Variants in MITF observed in about 807,000 individuals in gnomAD.
MITF encodes microphthalmia-associated transcription factor.
Under a neutral mutation model 60.5 loss-of-function variants are expected in MITF, and 17 were observed. That is an observed-to-expected ratio of 0.28 (90% CI 0.19 to 0.42). The LOEUF is 0.42. MITF is among the 10% of genes least tolerant of loss of function. MITF has a pLI of 1.00. For synonymous variants in MITF, 260 were observed against 248.5 expected (o/e 1.05, Z -0.43); for missense variants, 622 against 683.5 (o/e 0.91, Z 1.00).
intron 1 of MITF, among the ~76,000 whole-genome samples, chr3:69,764,582 G>A (rs2062261146): frequency 6.6e-6 from 1 of 152,052 alleles, no homozygotes. Flanking sequence ...CTTTTCTGAT[G>A]TGCCCTTTAA....
At chr3:69,943,491 A>G (rs1048176819) in intron 5 of MITF, among the ~76,000 whole-genome samples, 1 of 152,132 alleles carries the variant, frequency 6.6e-6, no homozygotes, top group Non-Finnish European at 1.5e-5. Context: ...AAGCATCTGT[A>G]GTATTTAGCA....
At chr3:69,805,855 CTTTCTATGTT>C (rs967277877) in intron 1 of MITF, among the ~76,000 whole-genome samples, 19 of 152,054 alleles carry the variant, frequency 1.2e-4, no homozygotes, top group African/African-American at 4.1e-4. Flanking sequence ...GAGACAAGAT[CTTTCTATGTT>C]TTCCAGACTG....
At chr3:69,791,178 T>A (rs1331231246) in intron 1 of MITF, among the ~76,000 whole-genome samples, 3 of 152,194 alleles carry the variant, frequency 2.0e-5, no homozygotes, top group Non-Finnish European at 4.4e-5. Context: ...AATGTGAAAG[T>A]TTTTGAAGGG....
At chr3:69,834,598 A>T (rs112202669) in intron 1 of MITF, among the ~76,000 whole-genome samples, 1 of 152,156 alleles carries the variant, frequency 6.6e-6, no homozygotes, top group African/African-American at 2.4e-5. Context: ...GGTTGATCAC[A>T]TATCTTGGCT....
rs1489244344 is a variant in MITF, at chr3:69,879,350, C to T, written c.321C>T (p.Pro107=). The T allele has an allele frequency of 2.5e-6, 4 of 1,614,114 alleles. No homozygotes were observed. Among genetic ancestry groups the T allele is most frequent in the Non-Finnish European group, 3.4e-6 (4 of 1,180,056 alleles). The change falls in exon 2 of 10, where the codon CCC becomes CCT. Residue 107 remains proline, a synonymous_variant. Transcript: ENST00000352241. The part of the protein sequence containing the change: ...AINVSVPTTL[P]SATQVPMEVL... Reference sequence around the variant, plus strand: ...ACGTCAGTGTGCCCACCACCCTTCCCTCTGCCACGCAGGTGCCGATGGAAG... The same window carrying T: ...ACGTCAGTGTGCCCACCACCCTTCCTTCTGCCACGCAGGTGCCGATGGAAG...
At chr3:69,900,184 C>G (rs1056252422) in intron 2 of MITF, among the ~76,000 whole-genome samples, 2 of 152,060 alleles carry the variant, frequency 1.3e-5, no homozygotes, top group Admixed American at 1.3e-4. Context: ...AAACAGTGAC[C>G]TTCCTGGTCA....
intron 1 of MITF, among the ~76,000 whole-genome samples, chr3:69,774,525 T>C (rs1255754230): frequency 1.3e-5 from 2 of 152,202 alleles, no homozygotes. Context: ...ATGAACTCTG[T>C]TGGGAGTCAC....
intron 2 of MITF, among the ~76,000 whole-genome samples, chr3:69,888,569 G>T (rs148377848): frequency 6.6e-6 from 1 of 151,904 alleles, no homozygotes; most frequent in Non-Finnish European, 1.5e-5. Flanking sequence ...CTTAGCACAC[G>T]CCGCTAAGTA....
At chr3:69,782,795 A>G (rs1010933781) in intron 1 of MITF, among the ~76,000 whole-genome samples, 2 of 152,186 alleles carry the variant, frequency 1.3e-5, no homozygotes, top group African/African-American at 4.8e-5. Context: ...CTTTATTACT[A>G]TCTACTTCAG....
At chr3:69,869,090 T>C (rs913420642) in intron 1 of MITF, among the ~76,000 whole-genome samples, 1 of 152,168 alleles carries the variant, frequency 6.6e-6, no homozygotes. Context: ...GCAAATGGTT[T>C]GAATAAGGGT....
At position 69,807,907 on chromosome 3, in the gene MITF, C is replaced by T. The variant is rs540647812; in HGVS notation, c.104+68206C>T. 2.3e-4 allele frequency among the ~76,000 whole-genome samples: 35 copies of T among 151,928 alleles called. No individual in the cohort carries two copies. In the South Asian group the frequency reaches 7.3e-3, roughly 32 times the overall value. On this transcript the variant is annotated intron_variant, in intron 1 of 9. Coordinates refer to ENST00000352241, the MANE Select transcript of MITF (RefSeq NM_001354604.2). ...ATATTTGATGACTCTGTTTGTTTAG[C>T]AGTTTGTTAGAAGCTACTTGGTTGA...
chr3:69,940,939 G>A (rs1169534011), intron 4 of MITF, among the ~76,000 whole-genome samples: 9 of 152,064 alleles, frequency 5.9e-5, no homozygotes, highest in African/African-American at 1.4e-4. Flanking sequence ...GCCATGATAC[G>A]GTTTTCGTTA....
intron 1 of MITF, among the ~76,000 whole-genome samples, chr3:69,753,383 A>G (rs912547097): frequency 6.6e-6 from 1 of 152,228 alleles, no homozygotes; most frequent in Admixed American, 6.5e-5. Flanking sequence ...GCCCTCATAA[A>G]GAAACTCTAC....
At chr3:69,904,441 C>T (rs2065055646) in intron 2 of MITF, among the ~76,000 whole-genome samples, 1 of 152,138 alleles carries the variant, frequency 6.6e-6, no homozygotes, top group Non-Finnish European at 1.5e-5. Flanking sequence ...CGTGTGTCTT[C>T]TACTGGTCTG....
intron 2 of MITF, among the ~76,000 whole-genome samples, chr3:69,906,010 A>G (rs1411780261): frequency 2.0e-5 from 3 of 152,176 alleles, no homozygotes; most frequent in African/African-American, 7.2e-5. Context: ...TTGTAAATTA[A>G]TCATACTTTT....
chr3:69,782,778 G>A (rs2062586780), intron 1 of MITF, among the ~76,000 whole-genome samples: 1 of 152,052 alleles, frequency 6.6e-6, no homozygotes, highest in East Asian at 1.9e-4. Context: ...CATAAATTTT[G>A]AATATCCTTT....
intron 1 of MITF, among the ~76,000 whole-genome samples, chr3:69,856,047 G>C (rs558342303): frequency 1.3e-5 from 2 of 152,184 alleles, no homozygotes; most frequent in African/African-American, 4.8e-5. Context: ...TTGGGGCTGG[G>C]CTCACTTACT....
In MITF at chr3:69,829,078, A is replaced by G. The variant is rs2063403776; in HGVS notation, c.105-50056A>G. Among the ~76,000 whole-genome samples, 9 of 152,296 alleles carry G rather than the reference A, an allele frequency of 5.9e-5. No individual in the cohort carries two copies. In the South Asian group the frequency reaches 1.9e-3, roughly 32 times the overall value. On this transcript the variant is annotated intron_variant, in intron 1 of 9. Coordinates refer to ENST00000352241, the MANE Select transcript of MITF (RefSeq NM_001354604.2). ...AAGAATAGAAATAGAGTGTTCTGAA[A>G]TTTTAGAGCAATCGGAAAGAGTAGC...
At chr3:69,855,354 TAAA>T (rs2063899870) in intron 1 of MITF, among the ~76,000 whole-genome samples, 1 of 151,230 alleles carries the variant, frequency 6.6e-6, no homozygotes, top group African/African-American at 2.4e-5. Flanking sequence ...TACATGTTAA[TAAA>T]GAAGTTAAAT....
Sources: allele counts gnomAD v4.1 joint callset (sites outside exome capture counted in the v4.1 genomes callset), GRCh38; gene constraint gnomAD v4.1.1; transcripts MANE v1.5; gene names NCBI Gene and HGNC (gene_info 2026-07-23, HGNC 2026-07-21).